Variants in RPS6KA2 observed in about 807,000 individuals in gnomAD.
The protein encoded by RPS6KA2 is ribosomal protein S6 kinase alpha-2.
A neutral mutation model predicts 91.8 loss-of-function variants in RPS6KA2; 42 were observed. The ratio of observed to expected loss-of-function variants is 0.46; its 90% CI spans 0.36 to 0.59. RPS6KA2 has a LOEUF of 0.59. RPS6KA2 is among the 20% of genes least tolerant of loss of function. RPS6KA2 has a pLI of 0.00. For missense variants in RPS6KA2, 798 were observed against 978.5 expected, an observed-to-expected ratio of 0.82 and a Z score of 2.46; for synonymous variants, 414 against 393.6, an observed-to-expected ratio of 1.05 and a Z score of -0.61.
At chr6:166,535,196 AACCGCG>A (rs1351570465) in intron 2 of RPS6KA2, among the ~76,000 whole-genome samples, 2 of 152,174 alleles carry the variant, frequency 1.3e-5, no homozygotes, top group Non-Finnish European at 2.9e-5. Flanking sequence ...ATGCTGTGAG[AACCGCG>A]ACCTGGCAAC....
chr6:166,451,879 T>G (rs1779927969), intron 12 of RPS6KA2, among the ~76,000 whole-genome samples: 1 of 152,168 alleles, frequency 6.6e-6, no homozygotes, highest in South Asian at 2.1e-4. Flanking sequence ...CCATTTCAAG[T>G]TTATCATTAA....
chr6:166,756,986 G>A (rs751650083), intron 2 of RPS6KA2, among the ~76,000 whole-genome samples: 10 of 152,166 alleles, frequency 6.6e-5, no homozygotes, highest in Non-Finnish European at 1.3e-4. Context: ...GGTGGTGGCT[G>A]CCCAATGTGA....
intron 3 of RPS6KA2, among the ~76,000 whole-genome samples, chr6:166,513,416 C>G (rs188520965): frequency 1.3e-5 from 2 of 152,344 alleles, no homozygotes; most frequent in Non-Finnish European, 2.9e-5. Flanking sequence ...TCTTCTGCCT[C>G]AACTAACGGA....
chr6:166,702,391 A>G, intron 2 of RPS6KA2: 3 of 1,607,664 alleles, frequency 1.9e-6, no homozygotes, highest in Non-Finnish European at 1.7e-6. Context: ...TCAAGGTGAA[A>G]TTCTCTAACT....
At chr6:166,824,790 T>A (rs540794791) in intron 2 of RPS6KA2, among the ~76,000 whole-genome samples, 1 of 149,630 alleles carries the variant, frequency 6.7e-6, no homozygotes, top group African/African-American at 2.4e-5. Context: ...TGTGTCTGTG[T>A]GTGTGTCTGT....
Position 166,612,141 on chromosome 6 carries a change from T to C in RPS6KA2, c.99+14780A>G, listed in dbSNP as rs1583325707. ...TTTCCTCCGTCGTCCAACATCAAGA[T>C]GCAAGGGCCGCAATCTGAGTGTGAG... On this transcript the variant is annotated intron_variant, in intron 1 of 20. Transcript: ENST00000265678. The surrounding 1 kb of genome is among the most constrained non-coding windows in gnomAD (Gnocchi z 4.3). Among the ~76,000 whole-genome samples the C allele has an allele frequency of 1.3e-5, 2 of 152,094 alleles. No individual in the cohort carries two copies. Among genetic ancestry groups the C allele is most frequent in the African/African-American group, 4.8e-5 (2 of 41,416 alleles).
chr6:166,547,577 T>C (rs756641079), intron 1 of RPS6KA2, among the ~76,000 whole-genome samples: 1 of 152,120 alleles, frequency 6.6e-6, no homozygotes, highest in African/African-American at 2.4e-5. Context: ...TCTTAGCAAA[T>C]GGAGAGGATG....
chr6:166,708,035 C>G (rs1318932440), intron 2 of RPS6KA2, among the ~76,000 whole-genome samples: 1 of 152,222 alleles, frequency 6.6e-6, no homozygotes, highest in African/African-American at 2.4e-5. Context: ...TGAGCCACCA[C>G]AACTGGCCTG....
rs184753215 is a variant in RPS6KA2, at chr6:166,432,953, C to T, written c.1333-463G>A. On this transcript the variant is annotated intron_variant, in intron 14 of 20. Transcript: ENST00000265678. Reference sequence around the variant, plus strand: ...GAGGTTGCAGGGAGCTGAGATAATGCCACTGCACTCCAGCCTGGGTGACAG... The same window carrying T: ...GAGGTTGCAGGGAGCTGAGATAATGTCACTGCACTCCAGCCTGGGTGACAG... 2.7e-5 allele frequency among the ~76,000 whole-genome samples: 4 copies of T among 149,574 alleles called. No individual in the cohort carries two copies. The East Asian group carries it at 7.8e-4, about 29-fold the overall frequency.
intron 13 of RPS6KA2, among the ~76,000 whole-genome samples, chr6:166,449,849 G>C (rs1479853092): frequency 5.9e-5 from 6 of 102,534 alleles, no homozygotes; most frequent in South Asian, 3.2e-4. Context: ...GGACAACCAC[G>C]AGGACCACCA....
chr6:166,572,188 G>C (rs920126944), intron 1 of RPS6KA2, among the ~76,000 whole-genome samples: 1 of 152,188 alleles, frequency 6.6e-6, no homozygotes, highest in African/African-American at 2.4e-5. Context: ...TTAAATATGT[G>C]TATCTGAGTG....
chr6:166,768,373 A>G (rs1778376412), intron 2 of RPS6KA2, among the ~76,000 whole-genome samples: 1 of 152,202 alleles, frequency 6.6e-6, no homozygotes, highest in South Asian at 2.1e-4. Context: ...AACTAGAGGC[A>G]CCTTGCAGGA....
In RPS6KA2 at chr6:166,435,590, C is replaced by A. The variant is rs1025032283; in HGVS notation, c.1333-3100G>T. Reference sequence around the variant, plus strand: ...GAGGAAAATGAAAGAAGCTCCCAGGCTGAGGTCCTGTGGGGACAGGAGCTC... The same window carrying A: ...GAGGAAAATGAAAGAAGCTCCCAGGATGAGGTCCTGTGGGGACAGGAGCTC... On this transcript the variant is annotated intron_variant, in intron 14 of 20. Transcript: ENST00000265678. The surrounding 1 kb of genome is among the most constrained non-coding windows in gnomAD (Gnocchi z 4.3). Among the ~76,000 whole-genome samples, 1 of 152,244 alleles carries A rather than the reference C, an allele frequency of 6.6e-6. No individual in the cohort carries two copies. Among genetic ancestry groups the A allele is most frequent in the Non-Finnish European group, 1.5e-5 (1 of 68,050 alleles).
At chr6:166,471,819 G>A (rs1482443524) in intron 10 of RPS6KA2, among the ~76,000 whole-genome samples, 4 of 53,196 alleles carry the variant, frequency 7.5e-5, no homozygotes, top group African/African-American at 3.8e-4. Context: ...TGTCTTTCCC[G>A]AGGACTCCCT....
At chr6:166,711,928 G>A (rs542454833) in intron 2 of RPS6KA2, among the ~76,000 whole-genome samples, 1 of 152,168 alleles carries the variant, frequency 6.6e-6, no homozygotes, top group Non-Finnish European at 1.5e-5. Flanking sequence ...TTGACAGAGA[G>A]AGAGAGAGGA....
chr6:166,811,717 TA>T (rs1779643814), intron 2 of RPS6KA2, among the ~76,000 whole-genome samples: 1 of 152,252 alleles, frequency 6.6e-6, no homozygotes, highest in Non-Finnish European at 1.5e-5. Context: ...CCTTTTAAAA[TA>T]AGTTCAAAAC....
At chr6:166,649,899 C>T (rs1472792288) in intron 2 of RPS6KA2, among the ~76,000 whole-genome samples, 2 of 152,128 alleles carry the variant, frequency 1.3e-5, no homozygotes, top group Non-Finnish European at 2.9e-5. Flanking sequence ...TTTAAAGGCT[C>T]GCCAGCAGAA....
intron 1 of RPS6KA2, among the ~76,000 whole-genome samples, chr6:166,593,597 C>T (rs943460930): frequency 2.0e-5 from 3 of 151,860 alleles, no homozygotes; most frequent in Admixed American, 6.6e-5. Flanking sequence ...GATTTGGTTA[C>T]ATTAAAATTG....
chr6:166,810,274 G>A (rs1562451365), intron 2 of RPS6KA2, among the ~76,000 whole-genome samples: 1 of 152,140 alleles, frequency 6.6e-6, no homozygotes. Flanking sequence ...TTTGGGTGGG[G>A]ACACAACCAG....
Sources: allele counts gnomAD v4.1 joint callset (sites outside exome capture counted in the v4.1 genomes callset), GRCh38; gene constraint gnomAD v4.1.1; non-coding constraint Gnocchi (gnomAD v3.1); transcripts MANE v1.5; gene names NCBI Gene and HGNC (gene_info 2026-07-23, HGNC 2026-07-21).